KCNQ1: variants seen among roughly 807,000 people sequenced by gnomAD.
KCNQ1 encodes the protein potassium voltage-gated channel subfamily Q member 1, also known as potassium voltage-gated channel subfamily KQT member 1.
In KCNQ1, 49 loss-of-function variants were observed where a neutral mutation model predicts 72.4. The observed-to-expected ratio is 0.68, with a 90% CI of 0.54 to 0.86. The LOEUF is 0.86. Ranked by LOEUF, KCNQ1 falls within the 40% of genes least tolerant of loss-of-function variation. The probability of loss-of-function intolerance (pLI) is 0.00; values close to 1 mark genes in which losing one functional copy is unlikely to be tolerated. For missense variants in KCNQ1, 790 were observed against 945.1 expected (o/e 0.84, Z 2.15); for synonymous variants, 450 against 412.6 (o/e 1.09, Z -1.10).
Position 2,611,845 on chromosome 11 carries a change from T to G in KCNQ1, c.1393+22991T>G. On this transcript the variant is annotated intron_variant, in intron 10 of 15. Coordinates refer to ENST00000155840, the MANE Select transcript of KCNQ1 (RefSeq NM_000218.3). The surrounding 1 kb of genome is among the most constrained non-coding windows in gnomAD (Gnocchi z 5.3). ...ATAGATATGTTCTAGAGTACCATTC[T>G]AATTCCTTTGTTAGTTTATTTCCCC... 2.5e-6 allele frequency: 1 copy of G among 398,516 alleles called. No homozygotes were observed. Among genetic ancestry groups the G allele is most frequent in the Non-Finnish European group, 4.4e-6 (1 of 226,026 alleles). The allele number at this position is 398,516 out of a possible 1,614,324, so 24.7% of individuals were successfully genotyped here.
At chr11:2,755,775 G>T (rs1281431120) in intron 11 of KCNQ1, among the ~76,000 whole-genome samples, 1 of 152,116 alleles carries the variant, frequency 6.6e-6, no homozygotes, top group Non-Finnish European at 1.5e-5. Context: ...ATAAAGAATT[G>T]GTGTATGTAT....
Position 2,706,844 on chromosome 11 carries a change from C to T in KCNQ1, c.1514+44763C>T, listed in dbSNP as rs1354549887. On this transcript the variant is annotated intron_variant, in intron 11 of 15. Coordinates refer to ENST00000155840, the MANE Select transcript of KCNQ1 (RefSeq NM_000218.3). ...GAACCACTCCCCGGTGCAGGTCCCA[C>T]TCCCAGAAAGGAGAGCGGTTTTGAC... Among the ~76,000 whole-genome samples, 5 of 152,344 alleles carry T rather than the reference C, an allele frequency of 3.3e-5. No individual in the cohort carries two copies. In the East Asian group the frequency reaches 9.6e-4, roughly 29 times the overall value.
Position 2,612,493 on chromosome 11 carries a change from T to C in KCNQ1, c.1393+23639T>C, listed in dbSNP as rs1564833494. 2.5e-6 allele frequency: 1 copy of C among 398,626 alleles called. No individual in the cohort carries two copies. Among genetic ancestry groups the C allele is most frequent in the Middle Eastern group, 6.3e-4 (1 of 1,588 alleles). 24.7% of individuals were successfully genotyped at this position (398,626 alleles called of 1,614,324 possible). ...CTTTATGGATCTGCGTTGAAGTTCA[T>C]TGATTCTTTCTTCTGCCAGGTCAAA... On this transcript the variant is annotated intron_variant, in intron 10 of 15. Coordinates refer to ENST00000155840, the MANE Select transcript of KCNQ1 (RefSeq NM_000218.3). This position sits in a 1 kb window ranked among gnomAD's most constrained non-coding sequence, Gnocchi z 5.5.
chr11:2,536,893 G>C lies in KCNQ1; in HGVS notation c.477+8875G>C, dbSNP rs749093217. Reference sequence around the variant, plus strand: ...CCCTCCCGGCTTCTGAGGGTGGCTAGCAACTGTCTTCTAGATGTAGTACCC... The same window carrying C: ...CCCTCCCGGCTTCTGAGGGTGGCTACCAACTGTCTTCTAGATGTAGTACCC... On this transcript the variant is annotated intron_variant, in intron 2 of 15. Coordinates refer to ENST00000155840, the MANE Select transcript of KCNQ1 (RefSeq NM_000218.3). The surrounding 1 kb of genome is among the most constrained non-coding windows in gnomAD (Gnocchi z 7.4). Among the ~76,000 whole-genome samples the C allele has an allele frequency of 1.3e-5, 2 of 151,964 alleles. No individual in the cohort carries two copies. Among genetic ancestry groups the C allele is most frequent in the Non-Finnish European group, 2.9e-5 (2 of 68,016 alleles).
chr11:2,847,425 T>C (rs1478616272), intron 15 of KCNQ1, among the ~76,000 whole-genome samples: 1 of 152,142 alleles, frequency 6.6e-6, no homozygotes, highest in Non-Finnish European at 1.5e-5. Context: ...GACCCTGCCA[T>C]GCGGGGATGT....
At position 2,572,048 on chromosome 11, in the gene KCNQ1, A is replaced by G. The variant is rs533669726; in HGVS notation, c.719A>G (p.His240Arg). Residue 240 changes from histidine (H) to arginine (R), a missense_variant, in exon 5 of 16, where the codon CAC becomes CGC. By Grantham distance (29) the His-to-Arg change is conservative. Coordinates refer to ENST00000155840, the MANE Select transcript of KCNQ1 (RefSeq NM_000218.3). ...TTCCTGCAGATCCTGAGGATGCTACACGTCGACCGCCAGGGAGGCACCTGG... is the reference window on the plus strand; with the variant it reads ...TTCCTGCAGATCCTGAGGATGCTACGCGTCGACCGCCAGGGAGGCACCTGG... ...IRFLQILRML[H>R]VDRQGGTWRL... The G allele has an allele frequency of 1.2e-5, 20 of 1,612,778 alleles. No homozygotes were observed. The South Asian group carries it at 1.9e-4, about 15-fold the overall frequency.
Position 2,526,858 on chromosome 11 carries a change from G to C in KCNQ1, c.387-1070G>C, listed in dbSNP as rs1483898821. The stretch of plus-strand genomic sequence containing the variant: ...AGGGAGCCTGGGGCACCCTATGCCA[G>C]GCAGAGGATCTATGCCGGGGCCCCC... On this transcript the variant is annotated intron_variant, in intron 1 of 15. Coordinates refer to ENST00000155840, the MANE Select transcript of KCNQ1 (RefSeq NM_000218.3). The surrounding 1 kb of genome is among the most constrained non-coding windows in gnomAD (Gnocchi z 6.1). 1.3e-5 allele frequency among the ~76,000 whole-genome samples: 2 copies of C among 152,112 alleles called. No homozygotes were observed. Among genetic ancestry groups the C allele is most frequent in the African/African-American group, 4.8e-5 (2 of 41,406 alleles).
rs1208698179 is a variant in KCNQ1 at position 2,848,297 on chromosome 11, A to C, written c.*294A>C. On this transcript the variant is annotated 3_prime_UTR_variant, in exon 16 of 16. Transcript: ENST00000155840. ...ATCACTGGCATGGTGGTTGGGACCC[A>C]GTGGCAGGGCACAGGGCCTGGCCCA... The C allele has an allele frequency of 4.8e-6, 3 of 630,368 alleles. No individual in the cohort carries two copies. The highest frequency in any genetic ancestry group is 5.9e-6 in the Non-Finnish European group (2 of 340,992). 39.0% of individuals were successfully genotyped at this position (630,368 alleles called of 1,614,324 possible).
intron 10 of KCNQ1, chr11:2,636,875 T>C (rs896730488): frequency 6.6e-6 from 1 of 152,260 alleles, no homozygotes; most frequent in African/African-American, 2.4e-5. Flanking sequence ...CTGTTATTGG[T>C]CTTTTCAGGG....
chr11:2,839,475 C>T (rs527651507), intron 15 of KCNQ1, among the ~76,000 whole-genome samples: 83 of 152,346 alleles, frequency 5.4e-4, no homozygotes, highest in African/African-American at 1.8e-3. Context: ...GAGGTGGCTG[C>T]GTGTCCAGGA....
intron 15 of KCNQ1, among the ~76,000 whole-genome samples, chr11:2,788,778 A>C (rs1846961573): frequency 6.6e-6 from 1 of 152,202 alleles, no homozygotes; most frequent in Non-Finnish European, 1.5e-5. Context: ...GCTGCCCTTC[A>C]GTCAAACCAC....
chr11:2,747,302 G>A (rs1473060063), intron 11 of KCNQ1, among the ~76,000 whole-genome samples: 1 of 152,206 alleles, frequency 6.6e-6, no homozygotes, highest in African/African-American at 2.4e-5. Flanking sequence ...TACTTTAATG[G>A]GACTTATTTT....
chr11:2,722,192 C>T (rs918164164), intron 11 of KCNQ1, among the ~76,000 whole-genome samples: 1 of 152,148 alleles, frequency 6.6e-6, no homozygotes, highest in Admixed American at 6.5e-5. Flanking sequence ...AGCCACAAAG[C>T]CAGCATGCTC....
At chr11:2,662,470 G>A (rs1012630863) in intron 11 of KCNQ1, 1 of 469,268 alleles carries the variant, frequency 2.1e-6, no homozygotes, top group East Asian at 3.2e-5. Context: ...GATGCCGGGT[G>A]CAGTCTGCCA....
chr11:2,473,974 C>T lies in KCNQ1; in HGVS notation c.386+28490C>T, dbSNP rs1846531377. On this transcript the variant is annotated intron_variant, in intron 1 of 15. Coordinates refer to ENST00000155840, the MANE Select transcript of KCNQ1 (RefSeq NM_000218.3). This position sits in a 1 kb window ranked among gnomAD's most constrained non-coding sequence, Gnocchi z 6.0. Reference sequence around the variant, plus strand: ...TGCCAGGAACGGGGCACTGCAGGGCCCTTGGGAGGGAGGTAAGCGGGCAGC... The same window carrying T: ...TGCCAGGAACGGGGCACTGCAGGGCTCTTGGGAGGGAGGTAAGCGGGCAGC... Among the ~76,000 whole-genome samples, 1 of 152,244 alleles carries T rather than the reference C, an allele frequency of 6.6e-6. No homozygotes were observed. The highest frequency in any genetic ancestry group is 1.5e-5 in the Non-Finnish European group (1 of 68,032).
rs1034595465 is a variant in KCNQ1 at position 2,492,014 on chromosome 11, C to T, written c.387-35914C>T. Among the ~76,000 whole-genome samples the T allele has an allele frequency of 3.3e-5, 5 of 152,062 alleles. No homozygotes were observed. Among genetic ancestry groups the T allele is most frequent in the Non-Finnish European group, 5.9e-5 (4 of 68,004 alleles). On this transcript the variant is annotated intron_variant, in intron 1 of 15. Transcript: ENST00000155840. This position sits in a 1 kb window ranked among gnomAD's most constrained non-coding sequence, Gnocchi z 4.1. ...TCCAACATGAAGGAGAAATACAGAC[C>T]TTCCCAGACAAACAAAAGCTGAGGA...
At chr11:2,628,501 T>G (rs1849296895) in intron 10 of KCNQ1, 1 of 398,310 alleles carries the variant, frequency 2.5e-6, no homozygotes, top group South Asian at 1.3e-4. Context: ...TATTAAGTTT[T>G]TTTGCTAGTT....
At chr11:2,761,135 G>A (rs1210253755) in intron 11 of KCNQ1, among the ~76,000 whole-genome samples, 1 of 152,178 alleles carries the variant, frequency 6.6e-6, no homozygotes, top group Non-Finnish European at 1.5e-5. Flanking sequence ...CTCAGCAGAT[G>A]GGGGAGCAAG....
intron 15 of KCNQ1, among the ~76,000 whole-genome samples, chr11:2,807,501 C>G (rs763286188): frequency 5.0e-4 from 76 of 152,234 alleles, no homozygotes; most frequent in Non-Finnish European, 9.4e-4. Flanking sequence ...ACTGAACAAA[C>G]AGTCCTGCTG....
Sources: allele counts gnomAD v4.1 joint callset (sites outside exome capture counted in the v4.1 genomes callset), GRCh38; gene constraint gnomAD v4.1.1; non-coding constraint Gnocchi (gnomAD v3.1); transcripts MANE v1.5; gene names NCBI Gene and HGNC (gene_info 2026-07-23, HGNC 2026-07-21).